Variants in OPRM1 observed in about 807,000 individuals in gnomAD.
OPRM1 encodes the protein opioid receptor mu 1, also known as mu-type opioid receptor.
A neutral mutation model predicts 31.8 loss-of-function variants in OPRM1; 27 were observed. The ratio of observed to expected loss-of-function variants is 0.85; its 90% CI spans 0.63 to 1.17. OPRM1 has a LOEUF of 1.17. Ranked by LOEUF, OPRM1 falls within the 50% of genes most tolerant of loss-of-function variation. OPRM1 has a pLI of 0.00. For synonymous variants in OPRM1, 196 were observed against 189.9 expected (o/e 1.03, Z -0.26); for missense variants, 536 against 511.1 (o/e 1.05, Z -0.47).
chr6:154,229,165 G>T lies in OPRM1; in HGVS notation c.1165-17528G>T, dbSNP rs75819042. 7.2e-5 allele frequency among the ~76,000 whole-genome samples: 11 copies of T among 152,280 alleles called. No homozygotes were observed. The East Asian group carries it at 2.1e-3, about 29-fold the overall frequency. ...TGGTTGTTTGTCTGCTTCTCCAATG[G>T]ATTGTGAGTACCTTGAAGGAAATAA... On this transcript the variant is annotated intron_variant, in intron 3 of 3. Coordinates refer to the OPRM1 transcript ENST00000337049.
chr6:154,233,126 G>A (rs1056003931), intron 3 of OPRM1, among the ~76,000 whole-genome samples: 10 of 152,054 alleles, frequency 6.6e-5, no homozygotes, highest in East Asian at 1.9e-4. Context: ...GTGCCGCCAC[G>A]CCCAGCTAAT....
intron 3 of OPRM1, among the ~76,000 whole-genome samples, chr6:154,140,502 G>A (rs544648432): frequency 2.0e-5 from 3 of 152,048 alleles, no homozygotes; most frequent in Non-Finnish European, 4.4e-5. Flanking sequence ...GCTAATTTTT[G>A]TATTTTTAGT....
At chr6:154,057,240 T>C (rs1346005837) in intron 1 of OPRM1, among the ~76,000 whole-genome samples, 2 of 152,196 alleles carry the variant, frequency 1.3e-5, no homozygotes, top group African/African-American at 4.8e-5. Flanking sequence ...ATGAACTACG[T>C]TTGTTGAGCA....
Position 154,127,519 on chromosome 6 carries a change from C to T in OPRM1, c.*8798C>T, listed in dbSNP as rs980699923. 6.6e-6 allele frequency among the ~76,000 whole-genome samples: 1 copy of T among 152,154 alleles called. No homozygotes were observed. The highest frequency in any genetic ancestry group is 2.4e-5 in the African/African-American group (1 of 41,432). ...GTTTGTCATCACACAGATACACGCT[C>T]AGGATAAGAACTACCAGACTAGATT... On this transcript the variant is annotated 3_prime_UTR_variant, in exon 4 of 4. Transcript: ENST00000330432.
At chr6:154,079,593 A>C (rs190134587) in intron 1 of OPRM1, among the ~76,000 whole-genome samples, 20 of 152,388 alleles carry the variant, frequency 1.3e-4, no homozygotes, top group Admixed American at 1.2e-3. Flanking sequence ...TAAAAATAAG[A>C]AACTAAAGCA....
intron 3 of OPRM1, among the ~76,000 whole-genome samples, chr6:154,169,337 G>C (rs2128555164): frequency 6.6e-6 from 1 of 152,176 alleles, no homozygotes; most frequent in Middle Eastern, 3.4e-3. Context: ...CTCCAGCCTG[G>C]GCTACAGAGT....
intron 3 of OPRM1, among the ~76,000 whole-genome samples, chr6:154,230,603 T>C (rs1390744709): frequency 1.3e-5 from 2 of 152,184 alleles, no homozygotes; most frequent in East Asian, 1.9e-4. Flanking sequence ...CGAGTCTAAA[T>C]AGGTCAAAGA....
At position 154,084,428 on chromosome 6, in the gene OPRM1, C is replaced by T. The variant is rs1002535097; in HGVS notation, c.291-5398C>T. 2.6e-5 allele frequency among the ~76,000 whole-genome samples: 4 copies of T among 152,020 alleles called. No homozygotes were observed. In the South Asian group the frequency reaches 8.3e-4, roughly 32 times the overall value. ...CCCCCCCAACAGACAGACAGACACACACACACACACTCACAAGTAAAAACG... is the reference window on the plus strand; with the variant it reads ...CCCCCCCAACAGACAGACAGACACATACACACACACTCACAAGTAAAAACG... On this transcript the variant is annotated intron_variant, in intron 1 of 3. Transcript: ENST00000330432.
chr6:154,059,523 T>A (rs1038735769), intron 1 of OPRM1, among the ~76,000 whole-genome samples: 1 of 152,170 alleles, frequency 6.6e-6, no homozygotes, highest in Non-Finnish European at 1.5e-5. Flanking sequence ...GGATGTGTTA[T>A]TCAGCCAAGC....
At chr6:154,033,794 G>A (rs999703538) in intron 1 of OPRM1, among the ~76,000 whole-genome samples, 4 of 152,166 alleles carry the variant, frequency 2.6e-5, no homozygotes, top group Admixed American at 6.5e-5. Context: ...GATTTGTGGG[G>A]TCTCTAAGAC....
intron 3 of OPRM1, among the ~76,000 whole-genome samples, chr6:154,245,390 G>A (rs1441260233): frequency 6.6e-6 from 1 of 152,162 alleles, no homozygotes; most frequent in African/African-American, 2.4e-5. Flanking sequence ...CAGCAGAGAG[G>A]AGAGTGCTTA....
chr6:154,162,600 A>T (rs1377555068), intron 3 of OPRM1, among the ~76,000 whole-genome samples: 1 of 152,196 alleles, frequency 6.6e-6, no homozygotes, highest in Non-Finnish European at 1.5e-5. Context: ...CTTGTACCAC[A>T]ATTGCTACTT....
intron 3 of OPRM1, among the ~76,000 whole-genome samples, chr6:154,189,774 G>A (rs1801701553): frequency 1.3e-5 from 2 of 151,980 alleles, no homozygotes; most frequent in African/African-American, 4.8e-5. Context: ...TTTGAGTCCA[G>A]CCTGACCAAT....
At chr6:154,139,456 G>T (rs983802476) in intron 3 of OPRM1, among the ~76,000 whole-genome samples, 1 of 152,084 alleles carries the variant, frequency 6.6e-6, no homozygotes, top group African/African-American at 2.4e-5. Flanking sequence ...TTTCAACCTG[G>T]AGCACATTAT....
At position 154,123,828 on chromosome 6, in the gene OPRM1, A is replaced by T. The variant is rs1175531973; in HGVS notation, c.*5107A>T. Reference sequence around the variant, plus strand: ...TAGTGTATAATGAGTAGTGAGGACAACCAGAGGTAACTTTCATTGCCATCT... The same window carrying T: ...TAGTGTATAATGAGTAGTGAGGACATCCAGAGGTAACTTTCATTGCCATCT... On this transcript the variant is annotated 3_prime_UTR_variant, in exon 4 of 4. Transcript: ENST00000330432. Among the ~76,000 whole-genome samples, 3 of 152,220 alleles carry T rather than the reference A, an allele frequency of 2.0e-5. No individual in the cohort carries two copies. Among genetic ancestry groups the T allele is most frequent in the Non-Finnish European group, 4.4e-5 (3 of 68,020 alleles).
chr6:154,136,600 C>T (rs571115039), downstream of OPRM1, among the ~76,000 whole-genome samples: 15 of 152,288 alleles, frequency 9.8e-5, no homozygotes, highest in African/African-American at 3.4e-4. Flanking sequence ...AGCCCCTCCG[C>T]TTGGTTCCTG....
chr6:154,099,427 AAAG>A (rs1794061974), intron 3 of OPRM1, among the ~76,000 whole-genome samples: 1 of 144,892 alleles, frequency 6.9e-6, no homozygotes, highest in Non-Finnish European at 1.5e-5. Flanking sequence ...AAAGAGAAAG[AAAG>A]AGGGAGGGAG....
intron 3 of OPRM1, among the ~76,000 whole-genome samples, chr6:154,242,887 C>CAAAGAAAAGA (rs10692865): frequency 1.1e-4 from 16 of 151,580 alleles, no homozygotes; most frequent in African/African-American, 2.2e-4. Flanking sequence ...GACTCCGTCT[C>CAAAGAAAAGA]AAAGAAAAGA....
intron 1 of OPRM1, among the ~76,000 whole-genome samples, chr6:154,083,087 TC>T (rs1789543074): frequency 6.6e-6 from 1 of 152,170 alleles, no homozygotes; most frequent in South Asian, 2.1e-4. Context: ...AATGGGCACT[TC>T]CGGAAAGCAT....
Sources: gnomAD v4.1 joint callset for allele counts (sites outside exome capture counted in the v4.1 genomes callset) on GRCh38, gnomAD v4.1.1 for gene constraint, MANE v1.5 for transcripts, NCBI Gene and HGNC (gene_info 2026-07-23, HGNC 2026-07-21) for gene names.